Variants in TDRP observed in about 807,000 individuals in gnomAD.
TDRP encodes testis development-related protein.
Under a neutral mutation model 10.5 loss-of-function variants are expected in TDRP, and 12 were observed. The ratio of observed to expected loss-of-function variants is 1.15; its 90% confidence interval spans 0.73 to 1.86. The LOEUF (loss-of-function observed/expected upper bound fraction) is 1.86, where lower values mean the gene tolerates loss of function less well. Among genes scored for constraint, TDRP ranks in the 40% most tolerant of loss-of-function variants. The probability of loss-of-function intolerance (pLI) is 0.00; values close to 1 mark genes in which losing one functional copy is unlikely to be tolerated. For synonymous variants in TDRP, 139 were observed against 95.4 expected, an observed-to-expected ratio of 1.46 and a Z score of -2.67; for missense variants, 353 against 229.2, an observed-to-expected ratio of 1.54 and a Z score of -3.49.
At chr8:531,491 A>G (rs748225736) in intron 1 of TDRP, among the ~76,000 whole-genome samples, 1 of 152,184 alleles carries the variant, frequency 6.6e-6, no homozygotes, top group Non-Finnish European at 1.5e-5. Flanking sequence ...AGGGAATGTC[A>G]GAAGGAAACT....
intron 1 of TDRP, among the ~76,000 whole-genome samples, chr8:519,878 G>A (rs1213062891): frequency 6.6e-6 from 1 of 152,204 alleles, no homozygotes; most frequent in Non-Finnish European, 1.5e-5. Flanking sequence ...ACTGTGGCCA[G>A]AGGTGTCTGA....
intron 1 of TDRP, among the ~76,000 whole-genome samples, chr8:526,692 T>C (rs1353264326): frequency 6.6e-6 from 1 of 152,210 alleles, no homozygotes; most frequent in African/African-American, 2.4e-5. Context: ...TGGTTTTATA[T>C]GAGGGCAATA....
chr8:494,646 G>C lies in TDRP; in HGVS notation c.109-49C>G, dbSNP rs373789914. On this transcript the variant is annotated intron_variant, in intron 1 of 2. Transcript: ENST00000324079. Reference sequence around the variant, plus strand: ...TCAAATCTGATGTCATGAATCAACAGAATTCCGCTTTCTACTCCAATAACC... The same window carrying C: ...TCAAATCTGATGTCATGAATCAACACAATTCCGCTTTCTACTCCAATAACC... The C allele has an allele frequency of 3.9e-6, 6 of 1,528,834 alleles. 1 individual carries two copies. The African/African-American group carries it at 8.2e-5, about 21-fold the overall frequency. 94.7% of individuals were successfully genotyped at this position (1,528,834 alleles called of 1,614,324 possible).
intron 1 of TDRP, among the ~76,000 whole-genome samples, chr8:517,217 A>G (rs978363071): frequency 4.6e-5 from 7 of 152,332 alleles, no homozygotes; most frequent in African/African-American, 1.4e-4. Flanking sequence ...ACTCTGGTAC[A>G]GCATCACATG....
intron 1 of TDRP, among the ~76,000 whole-genome samples, chr8:525,545 CA>C (rs551658150): frequency 6.2e-4 from 94 of 152,082 alleles, no homozygotes; most frequent in Non-Finnish European, 6.3e-4. Context: ...AAAGAGAAAT[CA>C]GGGGGATGAA....
chr8:515,266 GCAAT>G (rs1467381481), intron 1 of TDRP, among the ~76,000 whole-genome samples: 1 of 152,160 alleles, frequency 6.6e-6, no homozygotes, highest in African/African-American at 2.4e-5. Context: ...TGCTCACTTA[GCAAT>G]CATTCAGACA....
intron 1 of TDRP, among the ~76,000 whole-genome samples, chr8:507,207 A>C (rs1801491289): frequency 6.6e-6 from 1 of 152,068 alleles, no homozygotes; most frequent in African/African-American, 2.4e-5. Flanking sequence ...TGCCCCCATA[A>C]TCCAATCACT....
At chr8:536,188 G>C (rs1360362931) in intron 1 of TDRP, among the ~76,000 whole-genome samples, 2 of 152,150 alleles carry the variant, frequency 1.3e-5, no homozygotes, top group African/African-American at 4.8e-5. Flanking sequence ...CCCTTCAGTG[G>C]CTTACTAAAA....
chr8:505,334 G>T (rs1341810108), intron 1 of TDRP, among the ~76,000 whole-genome samples: 3 of 152,146 alleles, frequency 2.0e-5, no homozygotes, highest in Non-Finnish European at 2.9e-5. Context: ...TTAATAACAG[G>T]TTCAATATGA....
chr8:515,383 T>C (rs967951819), intron 1 of TDRP, among the ~76,000 whole-genome samples: 9 of 152,218 alleles, frequency 5.9e-5, no homozygotes, highest in Admixed American at 1.3e-4. Context: ...ACAGTTTGAG[T>C]GCCCCTTATC....
At chr8:536,800 T>C (rs1444388020) in intron 1 of TDRP, among the ~76,000 whole-genome samples, 1 of 152,132 alleles carries the variant, frequency 6.6e-6, no homozygotes, top group Non-Finnish European at 1.5e-5. Context: ...CAAGCATCAG[T>C]TAAGAGGAGC....
intron 1 of TDRP, among the ~76,000 whole-genome samples, chr8:529,834 CTT>C (rs1802139921): frequency 6.6e-6 from 1 of 152,162 alleles, no homozygotes; most frequent in South Asian, 2.1e-4. Flanking sequence ...TGATTAAAAT[CTT>C]TCTCAGTGTG....
chr8:495,171 C>A (rs1801091052), intron 1 of TDRP, among the ~76,000 whole-genome samples: 1 of 152,134 alleles, frequency 6.6e-6, no homozygotes, highest in African/African-American at 2.4e-5. Context: ...GAGGTCAAGG[C>A]TGCAGAGAAC....
intron 1 of TDRP, among the ~76,000 whole-genome samples, chr8:525,149 A>G (rs2116835282): frequency 6.6e-6 from 1 of 152,314 alleles, no homozygotes; most frequent in East Asian, 1.9e-4. Context: ...ACAGGTCAAG[A>G]GAGACAGCGG....
In TDRP at chr8:540,192, T is replaced by A. The variant is rs540803738; in HGVS notation, c.108+4458A>T. On this transcript the variant is annotated intron_variant, in intron 1 of 2. Transcript: ENST00000324079. Reference sequence around the variant, plus strand: ...GGTTAGAAGACGGCTCAGCAACCTTTATATTCACCGTAAGAGGCCCAATGA... The same window carrying A: ...GGTTAGAAGACGGCTCAGCAACCTTAATATTCACCGTAAGAGGCCCAATGA... Among the ~76,000 whole-genome samples the A allele has an allele frequency of 5.9e-5, 9 of 152,326 alleles. No homozygotes were observed. In the South Asian group the frequency reaches 1.9e-3, roughly 32 times the overall value.
intron 1 of TDRP, among the ~76,000 whole-genome samples, chr8:503,943 ATG>A (rs1801382258): frequency 9.1e-6 from 1 of 109,728 alleles, no homozygotes; most frequent in Non-Finnish European, 2.0e-5. Flanking sequence ...GAGCCACACA[ATG>A]GAACCAATGC....
chr8:529,387 G>C (rs1418178541), intron 1 of TDRP, among the ~76,000 whole-genome samples: 2 of 152,098 alleles, frequency 1.3e-5, no homozygotes, highest in African/African-American at 4.8e-5. Flanking sequence ...TTCTATACCA[G>C]AATTTAAAGT....
At position 494,514 on chromosome 8, in the gene TDRP, A is replaced by C; in HGVS notation, c.192T>G (p.Cys64Trp). 6.2e-7 allele frequency: 1 copy of C among 1,613,900 alleles called. No homozygotes were observed. Among genetic ancestry groups the C allele is most frequent in the Non-Finnish European group, 8.5e-7 (1 of 1,179,836 alleles). ...KDDEQHLLER[C>W]KSPKSKGTNL... The stretch of plus-strand genomic sequence containing the variant: ...CTTACCCTTTGGACTTGGGAGATTT[A>C]CATCTTTCCAGGAGATGCTGCTCAT... Residue 64 changes from cysteine to tryptophan, a missense_variant, in exon 2 of 3, where the codon TGT (cysteine) becomes TGG (tryptophan). By Grantham distance (215) the Cys-to-Trp change is radical. Transcript: ENST00000324079.
At chr8:505,359 G>C (rs183908240) in intron 1 of TDRP, among the ~76,000 whole-genome samples, 117 of 152,314 alleles carry the variant, frequency 7.7e-4, no homozygotes, top group African/African-American at 2.7e-3. Flanking sequence ...TGTGAAACAG[G>C]GGTGGGAAGG....
Sources: allele counts gnomAD v4.1 joint callset (sites outside exome capture counted in the v4.1 genomes callset), GRCh38; gene constraint gnomAD v4.1.1; transcripts MANE v1.5; gene names NCBI Gene and HGNC (gene_info 2026-07-23, HGNC 2026-07-21).